Variants in PHACTR1 observed in about 807,000 individuals in gnomAD.
PHACTR1 encodes the protein RPEL repeat containing 1.
PHACTR1 carries 16 observed loss-of-function variants against 69.2 expected under a neutral mutation model. That is an observed-to-expected ratio of 0.23 (90% confidence interval 0.16 to 0.35). The LOEUF is 0.35. Among genes scored for constraint, PHACTR1 ranks in the 10% least tolerant of loss-of-function variants. PHACTR1 has a pLI of 1.00. For missense variants in PHACTR1, 510 were observed against 734.7 expected, an observed-to-expected ratio of 0.69 and a Z score of 3.54; for synonymous variants, 312 against 284.5, an observed-to-expected ratio of 1.10 and a Z score of -0.97.
Position 12,957,437 on chromosome 6 carries a change from A to G in PHACTR1, c.251-95928A>G, listed in dbSNP as rs1015246872. On this transcript the variant is annotated intron_variant, in intron 4 of 14. Transcript: ENST00000332995. ...GGATCCCCGGGTTACTTTCTGTTTC[A>G]TTTTGAAATGTTCCCTGTTTCTGCA... is the stretch of plus-strand genomic sequence containing the variant. 1.3e-5 allele frequency: 13 copies of G among 985,368 alleles called. No individual in the cohort carries two copies. In the African/African-American group the frequency reaches 2.3e-4, roughly 17 times the overall value. The allele number at this position is 985,368 out of a possible 1,614,324, so 61.0% of individuals were successfully genotyped here.
chr6:12,853,019 G>A (rs1779983202), intron 4 of PHACTR1, among the ~76,000 whole-genome samples: 4 of 152,198 alleles, frequency 2.6e-5, no homozygotes, highest in South Asian at 4.2e-4. Flanking sequence ...AGGTGCCTTC[G>A]CTCCTATGAG....
intron 11 of PHACTR1, chr6:13,273,126 C>T (rs1778125328): frequency 1.6e-6 from 1 of 630,564 alleles, no homozygotes; most frequent in Non-Finnish European, 2.6e-6. Flanking sequence ...TTTAGAAGCT[C>T]ACGGGCGGCA....
chr6:12,970,026 T>G (rs1209334168), intron 4 of PHACTR1, among the ~76,000 whole-genome samples: 1 of 152,190 alleles, frequency 6.6e-6, no homozygotes, highest in Non-Finnish European at 1.5e-5. Flanking sequence ...ACAATCCACT[T>G]GTCTCTAGCA....
At chr6:12,872,304 G>GA (rs1169666222) in intron 4 of PHACTR1, among the ~76,000 whole-genome samples, 2 of 151,718 alleles carry the variant, frequency 1.3e-5, no homozygotes, top group African/African-American at 2.4e-5. Context: ...GTAGAAGAAT[G>GA]AAAAAAAATA....
intron 4 of PHACTR1, among the ~76,000 whole-genome samples, chr6:12,851,307 C>G (rs773559125): frequency 6.6e-6 from 1 of 152,032 alleles, no homozygotes; most frequent in African/African-American, 2.4e-5. Context: ...AATACACAGG[C>G]GAACATTTAA....
intron 4 of PHACTR1, among the ~76,000 whole-genome samples, chr6:12,784,638 A>ATAATGATATATACATATATG (rs1296826778): frequency 2.0e-5 from 3 of 151,784 alleles, no homozygotes; most frequent in African/African-American, 4.9e-5. Flanking sequence ...GCATATATAC[A>ATAATGATATATACATATATG]TAATGATATA....
intron 10 of PHACTR1, among the ~76,000 whole-genome samples, chr6:13,232,730 T>C (rs1433373467): frequency 2.6e-5 from 4 of 152,062 alleles, no homozygotes; most frequent in South Asian, 2.1e-4. Context: ...TCAGGTTACA[T>C]AGAACGAGAT....
At chr6:12,990,728 G>C (rs1562101683) in intron 4 of PHACTR1, among the ~76,000 whole-genome samples, 1 of 152,220 alleles carries the variant, frequency 6.6e-6, no homozygotes, top group African/African-American at 2.4e-5. Flanking sequence ...GCATCCAGAA[G>C]AATCAGATCA....
At chr6:12,922,111 C>T (rs185258325) in intron 4 of PHACTR1, among the ~76,000 whole-genome samples, 2 of 152,228 alleles carry the variant, frequency 1.3e-5, no homozygotes. Context: ...AAGGAATACC[C>T]CATGTCATTT....
At chr6:12,875,156 A>C (rs973556184) in intron 4 of PHACTR1, among the ~76,000 whole-genome samples, 2 of 152,266 alleles carry the variant, frequency 1.3e-5, no homozygotes, top group East Asian at 3.8e-4. Context: ...CAAATGACTC[A>C]GAAACATAAG....
At chr6:13,058,909 T>G (rs1015798994) in intron 5 of PHACTR1, among the ~76,000 whole-genome samples, 2 of 152,038 alleles carry the variant, frequency 1.3e-5, no homozygotes, top group African/African-American at 4.8e-5. Context: ...TGATTCTGCC[T>G]CGTTTAGAGC....
At chr6:12,871,203 A>G (rs947780201) in intron 4 of PHACTR1, among the ~76,000 whole-genome samples, 2 of 152,042 alleles carry the variant, frequency 1.3e-5, no homozygotes, top group Non-Finnish European at 2.9e-5. Context: ...GATGAAAAGA[A>G]TGTGTTGGTA....
At chr6:13,062,737 A>G (rs1279317788) in intron 5 of PHACTR1, among the ~76,000 whole-genome samples, 1 of 152,198 alleles carries the variant, frequency 6.6e-6, no homozygotes, top group Non-Finnish European at 1.5e-5. Flanking sequence ...GGAGTAGAGA[A>G]ATAAACCCTT....
intron 6 of PHACTR1, among the ~76,000 whole-genome samples, chr6:13,162,192 T>C (rs1197607492): frequency 6.6e-6 from 1 of 152,150 alleles, no homozygotes; most frequent in Admixed American, 6.5e-5. Context: ...CTCCGCCTCC[T>C]GGGTTCCAGT....
At chr6:12,952,872 GT>G (rs1396590100) in intron 4 of PHACTR1, among the ~76,000 whole-genome samples, 1 of 152,200 alleles carries the variant, frequency 6.6e-6, no homozygotes, top group Non-Finnish European at 1.5e-5. Context: ...GCATTGGATG[GT>G]TGGTCTGTCC....
chr6:13,278,726 G>A (rs967628373), intron 12 of PHACTR1, among the ~76,000 whole-genome samples: 1 of 152,212 alleles, frequency 6.6e-6, no homozygotes, highest in African/African-American at 2.4e-5. Flanking sequence ...GGGAGGCCAA[G>A]GTGAGTGGAT....
intron 5 of PHACTR1, among the ~76,000 whole-genome samples, chr6:13,076,559 C>T (rs983445030): frequency 2.0e-5 from 3 of 152,142 alleles, no homozygotes; most frequent in African/African-American, 7.2e-5. Context: ...TCATTTTGTA[C>T]ATACTAAGTG....
At chr6:12,965,388 G>T (rs1272569134) in intron 4 of PHACTR1, among the ~76,000 whole-genome samples, 1 of 151,228 alleles carries the variant, frequency 6.6e-6, no homozygotes, top group Non-Finnish European at 1.5e-5. Flanking sequence ...ACAAAGTGAG[G>T]CTCTGCCTCC....
intron 5 of PHACTR1, among the ~76,000 whole-genome samples, chr6:13,097,271 C>T (rs75498661): frequency 0.029 from 4,361 of 152,272 alleles, 194 homozygotes; most frequent in African/African-American, 0.096. Context: ...ATTGTGCTTA[C>T]TTAAGGTGGA....
Sources: allele counts gnomAD v4.1 joint callset (sites outside exome capture counted in the v4.1 genomes callset), GRCh38; gene constraint gnomAD v4.1.1; transcripts MANE v1.5; gene names NCBI Gene and HGNC (gene_info 2026-07-23, HGNC 2026-07-21).